Variants in WDR25 observed in about 807,000 individuals in gnomAD.
The protein encoded by WDR25 is WD repeat domain 25, also known as WD repeat-containing protein 25.
Under a neutral mutation model 47.7 loss-of-function variants are expected in WDR25, and 35 were observed. That is an observed-to-expected ratio of 0.73 (90% CI 0.56 to 0.97). WDR25 has a LOEUF of 0.97. Among genes scored for constraint, WDR25 ranks in the 50% least tolerant of loss-of-function variants. The pLI is 0.00. For missense variants in WDR25, 634 were observed against 704.7 expected (o/e 0.90, Z 1.14); for synonymous variants, 248 against 278.9 (o/e 0.89, Z 1.10).
At position 100,382,138 on chromosome 14, in the gene WDR25, G is replaced by GT. The variant is rs1057323841; in HGVS notation, c.822+392_822+393insT. 1.6e-5 allele frequency: 11 copies of GT among 702,888 alleles called. No homozygotes were observed. The African/African-American group carries it at 1.9e-4, about 12-fold the overall frequency. 43.5% of individuals were successfully genotyped at this position (702,888 alleles called of 1,614,324 possible). On this transcript the variant is annotated intron_variant, in intron 2 of 6. Transcript: ENST00000402312. ...TGCCTGGTGCTGTGCTGGTTTCAAG[G>GT]GCTGTTGGGAGAGGTAGGTAGACCC...
intron 2 of WDR25, among the ~76,000 whole-genome samples, chr14:100,448,737 CACATAAAAGA>C (rs1449937975): frequency 1.3e-5 from 2 of 152,028 alleles, no homozygotes; most frequent in Non-Finnish European, 2.9e-5. Context: ...GAAAACATTA[CACATAAAAGA>C]ACAGGGCAAT....
chr14:100,509,659 T>C (rs1901235078), intron 4 of WDR25, among the ~76,000 whole-genome samples: 1 of 152,206 alleles, frequency 6.6e-6, no homozygotes, highest in Admixed American at 6.5e-5. Flanking sequence ...ATCCATGAAA[T>C]AGTTACCACA....
chr14:100,483,339 A>G (rs2140318951), intron 3 of WDR25, among the ~76,000 whole-genome samples: 1 of 152,306 alleles, frequency 6.6e-6, no homozygotes. Context: ...ACAGTTTATG[A>G]TGTATTTATA....
chr14:100,510,845 CTCTT>C lies in WDR25; in HGVS notation c.1102-15019_1102-15016del, dbSNP rs1901288876. On this transcript the variant is annotated intron_variant, in intron 4 of 6. Coordinates refer to ENST00000402312, the MANE Select transcript of WDR25 (RefSeq NM_001161476.3). ...CTCAAACTCCTGGCTTCAAGTGATC[CTCTT>C]TCTTTGGCCTCCCAAAGAGTTGGGA... 4.6e-5 allele frequency among the ~76,000 whole-genome samples: 7 copies of C among 151,500 alleles called. No homozygotes were observed. The South Asian group carries it at 1.5e-3, about 32-fold the overall frequency.
intron 2 of WDR25, among the ~76,000 whole-genome samples, chr14:100,394,675 T>C (rs1351304735): frequency 6.6e-6 from 1 of 151,984 alleles, no homozygotes; most frequent in East Asian, 1.9e-4. Context: ...GGAACAGGAA[T>C]ATATGGGAGA....
intron 2 of WDR25, among the ~76,000 whole-genome samples, chr14:100,426,245 A>C (rs534579019): frequency 1.3e-5 from 2 of 152,270 alleles, no homozygotes; most frequent in African/African-American, 4.8e-5. Flanking sequence ...CTGTAGGGTT[A>C]TTGTTTTCTG....
chr14:100,457,473 T>G (rs538156132), intron 2 of WDR25, among the ~76,000 whole-genome samples: 1 of 152,190 alleles, frequency 6.6e-6, no homozygotes, highest in African/African-American at 2.4e-5. Context: ...GTGAAATATC[T>G]TTTAAAAAAG....
intron 3 of WDR25, among the ~76,000 whole-genome samples, chr14:100,471,531 C>G (rs1899834272): frequency 6.6e-6 from 1 of 152,234 alleles, no homozygotes; most frequent in South Asian, 2.1e-4. Context: ...GTCTGATCTC[C>G]CTTTCTACTG....
chr14:100,396,894 T>C (rs1368667265), intron 2 of WDR25, among the ~76,000 whole-genome samples: 4 of 152,248 alleles, frequency 2.6e-5, no homozygotes, highest in African/African-American at 9.6e-5. Flanking sequence ...AGGATAAATG[T>C]TGTGGTTTTG....
intron 2 of WDR25, among the ~76,000 whole-genome samples, chr14:100,406,254 G>T (rs1897535462): frequency 6.6e-6 from 1 of 152,202 alleles, no homozygotes; most frequent in African/African-American, 2.4e-5. Context: ...GAATATTGAT[G>T]GTGTGGGTTT....
At chr14:100,434,987 G>T (rs1279767801) in intron 2 of WDR25, among the ~76,000 whole-genome samples, 2 of 152,194 alleles carry the variant, frequency 1.3e-5, no homozygotes, top group East Asian at 1.9e-4. Flanking sequence ...GGGGTCTGTT[G>T]TGGTCTCCAT....
At chr14:100,510,019 C>A (rs1465652963) in intron 4 of WDR25, among the ~76,000 whole-genome samples, 1 of 151,722 alleles carries the variant, frequency 6.6e-6, no homozygotes, top group Non-Finnish European at 1.5e-5. Flanking sequence ...ACCTGTAACC[C>A]CAGCACTTTG....
chr14:100,468,232 G>T lies in WDR25; in HGVS notation c.970+64G>T. ...GCTCTCTCCCTGGGGAAGGTTCTCT[G>T]GTGGGCACGCAGCCACAAGCTGTAT... On this transcript the variant is annotated intron_variant, in intron 3 of 6. Transcript: ENST00000402312. This position sits in a 1 kb window ranked among gnomAD's most constrained non-coding sequence, Gnocchi z 4.5. 1 of 1,565,840 alleles carries T rather than the reference G, an allele frequency of 6.4e-7. No individual in the cohort carries two copies. Among genetic ancestry groups the T allele is most frequent in the Non-Finnish European group, 8.6e-7 (1 of 1,157,278 alleles).
chr14:100,376,485 G>T lies in WDR25; in HGVS notation c.-26G>T. The T allele has an allele frequency of 3.2e-6, 4 of 1,231,400 alleles. No homozygotes were observed. Among genetic ancestry groups the T allele is most frequent in the South Asian group, 4.1e-5 (1 of 24,182 alleles). 76.3% of individuals were successfully genotyped at this position (1,231,400 alleles called of 1,614,324 possible). A position where few individuals can be genotyped will look rare whatever the true frequency, so the allele number is the denominator to read the frequency against. The stretch of plus-strand genomic sequence containing the variant: ...TGGCCGGTCTGCCTCCGGGAGAACC[G>T]AGCGCTTCCGGTGCGTGTGGTGAGC... On this transcript the variant is annotated 5_prime_UTR_variant, in exon 1 of 7. Transcript: ENST00000402312.
intron 2 of WDR25, among the ~76,000 whole-genome samples, chr14:100,438,515 CT>C (rs1898568434): frequency 6.6e-6 from 1 of 152,216 alleles, no homozygotes; most frequent in Non-Finnish European, 1.5e-5. Context: ...ATTGAATGAG[CT>C]TTTATTGAAC....
chr14:100,395,972 G>GTTTTTTTTT (rs575737706), intron 2 of WDR25, among the ~76,000 whole-genome samples: 6 of 117,254 alleles, frequency 5.1e-5, no homozygotes, highest in African/African-American at 9.8e-5. Context: ...TCTGTGAAAT[G>GTTTTTTTTT]TTTTTTTTTT....
chr14:100,442,278 G>A (rs1898693392), intron 2 of WDR25, among the ~76,000 whole-genome samples: 1 of 151,980 alleles, frequency 6.6e-6, no homozygotes, highest in African/African-American at 2.4e-5. Context: ...CACAAAGCCA[G>A]TATTTAGTGA....
intron 2 of WDR25, among the ~76,000 whole-genome samples, chr14:100,390,195 T>C (rs931045872): frequency 2.0e-5 from 3 of 152,192 alleles, no homozygotes; most frequent in African/African-American, 7.2e-5. Context: ...TAGCATATTG[T>C]TTTTTATTGT....
intron 2 of WDR25, among the ~76,000 whole-genome samples, chr14:100,397,263 C>T (rs1334786507): frequency 2.6e-5 from 4 of 152,112 alleles, no homozygotes; most frequent in African/African-American, 7.2e-5. Flanking sequence ...TTGTACAGTG[C>T]GTATATTGTC....
Sources: allele counts gnomAD v4.1 joint callset (sites outside exome capture counted in the v4.1 genomes callset), GRCh38; gene constraint gnomAD v4.1.1; non-coding constraint Gnocchi (gnomAD v3.1); transcripts MANE v1.5; gene names NCBI Gene and HGNC (gene_info 2026-07-23, HGNC 2026-07-21).